The following MTX2 variants were observed in gnomAD, a reference collection of about 807,000 sequenced individuals.
MTX2 encodes the protein metaxin-2.
A neutral mutation model predicts 42.3 loss-of-function variants in MTX2; 35 were observed. The observed-to-expected ratio is 0.83, with a 90% CI of 0.63 to 1.10. The LOEUF is 1.10. MTX2 is among the 50% of genes least tolerant of loss of function. The probability of loss-of-function intolerance (pLI) is 0.00; values close to 1 mark genes in which losing one functional copy is unlikely to be tolerated. For synonymous variants in MTX2, 119 were observed against 100.9 expected (o/e 1.18, Z -1.08); for missense variants, 307 against 304.1 (o/e 1.01, Z -0.07).
intron 1 of MTX2, among the ~76,000 whole-genome samples, chr2:176,287,258 T>G (rs1331417086): frequency 1.3e-5 from 2 of 152,216 alleles, no homozygotes; most frequent in Non-Finnish European, 2.9e-5. Context: ...TTCAATGTAT[T>G]TATTGAATGA....
At chr2:176,294,527 G>A (rs1035304041) in intron 1 of MTX2, among the ~76,000 whole-genome samples, 3 of 152,058 alleles carry the variant, frequency 2.0e-5, no homozygotes, top group Non-Finnish European at 4.4e-5. Context: ...CACCCGCCTC[G>A]GCCTCCCAAA....
At chr2:176,326,777 TAAC>T (rs757821411) in intron 4 of MTX2, 45 bp from the exon 5 acceptor site, 1 of 1,178,880 alleles carries the variant, frequency 8.5e-7, no homozygotes, top group Admixed American at 2.5e-5. Context: ...TCACAAACTT[TAAC>T]ATACTGGAAG....
At chr2:176,286,412 G>GGAA (rs920751564) in intron 1 of MTX2, among the ~76,000 whole-genome samples, 2 of 152,078 alleles carry the variant, frequency 1.3e-5, no homozygotes, top group Non-Finnish European at 2.9e-5. Flanking sequence ...GTTGTGAGAG[G>GGAA]GAAGTTCTGC....
At chr2:176,270,836 T>G (rs77707648) in intron 1 of MTX2, among the ~76,000 whole-genome samples, 1 of 152,216 alleles carries the variant, frequency 6.6e-6, no homozygotes, top group Non-Finnish European at 1.5e-5. Context: ...CAGTTGGTGC[T>G]CAATAAATAT....
intron 1 of MTX2, among the ~76,000 whole-genome samples, chr2:176,276,448 G>C (rs1692947362): frequency 6.6e-6 from 1 of 152,110 alleles, no homozygotes; most frequent in African/African-American, 2.4e-5. Flanking sequence ...GTATTTTGTG[G>C]ATAAGAATAC....
intron 3 of MTX2, among the ~76,000 whole-genome samples, chr2:176,312,364 A>G (rs764287375): frequency 1.3e-5 from 2 of 152,186 alleles, no homozygotes; most frequent in Non-Finnish European, 2.9e-5. Flanking sequence ...GACATTGTCT[A>G]TGTATACTAA....
intron 3 of MTX2, among the ~76,000 whole-genome samples, chr2:176,301,119 G>A (rs928072533): frequency 3.9e-5 from 6 of 152,028 alleles, no homozygotes; most frequent in Admixed American, 3.9e-4. Context: ...ATGCTTTAAT[G>A]CAAACAAAAT....
chr2:176,329,559 T>C (rs1684805593), intron 8 of MTX2, 133 bp downstream of exon 8: 5 of 929,790 alleles, frequency 5.4e-6, no homozygotes, highest in Non-Finnish European at 7.5e-6. Context: ...TTCACTAACA[T>C]GAAGTAATTT....
chr2:176,317,283 A>AAGAT (rs1415512988), intron 3 of MTX2, among the ~76,000 whole-genome samples: 1 of 151,540 alleles, frequency 6.6e-6, no homozygotes, highest in Non-Finnish European at 1.5e-5. Context: ...TTCTCATGTT[A>AAGAT]AGATAGTGAT....
intron 1 of MTX2, among the ~76,000 whole-genome samples, chr2:176,281,211 T>C (rs1558924652): frequency 6.6e-6 from 1 of 152,242 alleles, no homozygotes; most frequent in East Asian, 1.9e-4. Flanking sequence ...TAGGGTTACT[T>C]ATGTATAGGG....
intron 3 of MTX2, among the ~76,000 whole-genome samples, chr2:176,305,145 G>A (rs528177421): frequency 1.4e-3 from 218 of 152,094 alleles, no homozygotes; most frequent in Admixed American, 4.8e-3. Flanking sequence ...TTTGTCTTTG[G>A]AATAAAGAAG....
chr2:176,270,512 G>T, intron 1 of MTX2: 1 of 881,062 alleles, frequency 1.1e-6, no homozygotes, highest in East Asian at 5.6e-5. Flanking sequence ...TAGGTACTTT[G>T]AGATAGAGGC....
chr2:176,334,058 G>T (rs1193019666), intron 9 of MTX2, among the ~76,000 whole-genome samples: 1 of 151,738 alleles, frequency 6.6e-6, no homozygotes, highest in Non-Finnish European at 1.5e-5. Context: ...TTGCCACAAA[G>T]TTGCTGTCTT....
rs1693091383 is a variant in MTX2, at chr2:176,282,126, G to GTTTTTTTGTTT, written c.40+12464_40+12465insGTTTTTTTTTT. 5.3e-4 allele frequency among the ~76,000 whole-genome samples: 14 copies of GTTTTTTTGTTT among 26,428 alleles called. 1 individual carries two copies. Among genetic ancestry groups the GTTTTTTTGTTT allele is most frequent in the Admixed American group, 6.1e-4 (1 of 1,642 alleles). 17.3% of individuals were successfully genotyped at this position (26,428 alleles called of 152,430 possible). A position where few individuals can be genotyped will look rare whatever the true frequency, so the allele number is the denominator to read the frequency against. On this transcript the variant is annotated intron_variant, in intron 1 of 9. Coordinates refer to ENST00000249442, the MANE Select transcript of MTX2 (RefSeq NM_006554.5). ...TGATATTATTTTTAGAGTTACAGTA[G>GTTTTTTTGTTT]TTTTTTTTTTTTTTTTTTTTTTTTT...
chr2:176,310,264 C>T (rs1288356829), intron 3 of MTX2, among the ~76,000 whole-genome samples: 1 of 137,766 alleles, frequency 7.3e-6, no homozygotes, highest in Non-Finnish European at 1.6e-5. Flanking sequence ...AGGGTTTCTG[C>T]CGAGAGATCT....
chr2:176,292,160 T>C (rs1185938629), intron 1 of MTX2, among the ~76,000 whole-genome samples: 1 of 152,028 alleles, frequency 6.6e-6, no homozygotes, highest in African/African-American at 2.4e-5. Flanking sequence ...CAGTCTCACC[T>C]TCTGTGTTTA....
intron 3 of MTX2, among the ~76,000 whole-genome samples, chr2:176,308,142 A>G (rs1684201211): frequency 6.6e-6 from 1 of 152,158 alleles, no homozygotes; most frequent in Non-Finnish European, 1.5e-5. Context: ...CCTTTTCTGC[A>G]TCTGTTGAGA....
At chr2:176,328,972 G>T in intron 7 of MTX2, 60 bp downstream of exon 7, 1 of 1,383,074 alleles carries the variant, frequency 7.2e-7, no homozygotes, top group Non-Finnish European at 1.0e-6. Context: ...CTTTTGCTCA[G>T]AATCGCAAGT....
intron 1 of MTX2, among the ~76,000 whole-genome samples, chr2:176,284,564 A>G (rs1693152366): frequency 6.6e-6 from 1 of 152,208 alleles, no homozygotes; most frequent in Non-Finnish European, 1.5e-5. Flanking sequence ...TGGAAAAACT[A>G]TCATGTTACC....
Sources: gnomAD v4.1 joint callset for allele counts (sites outside exome capture counted in the v4.1 genomes callset) on GRCh38, gnomAD v4.1.1 for gene constraint, MANE v1.5 for transcripts, NCBI Gene and HGNC (gene_info 2026-07-23, HGNC 2026-07-21) for gene names.